ERBB4: variants seen among roughly 807,000 people sequenced by gnomAD.
ERBB4 encodes erb-b2 receptor tyrosine kinase 4.
ERBB4 carries 42 observed loss-of-function variants against 158.0 expected under a neutral mutation model. The observed-to-expected ratio is 0.27, with a 90% CI of 0.21 to 0.34. The LOEUF is 0.34. Ranked by LOEUF, ERBB4 falls within the 10% of genes least tolerant of loss-of-function variation. The pLI, the probability that ERBB4 is intolerant of heterozygous loss-of-function variation, is 1.00. For missense variants in ERBB4, 1,333 were observed against 1,624.1 expected, an observed-to-expected ratio of 0.82 and a Z score of 3.08; for synonymous variants, 583 against 558.7, an observed-to-expected ratio of 1.04 and a Z score of -0.61.
chr2:212,293,903 AGAT>A (rs1199457179), intron 1 of ERBB4, among the ~76,000 whole-genome samples: 1 of 150,562 alleles, frequency 6.6e-6, no homozygotes, highest in Non-Finnish European at 1.5e-5. Context: ...GATGTGTATA[AGAT>A]GATGATGATA....
rs141140162 is a variant in ERBB4 at position 212,480,604 on chromosome 2, T to C, written c.82+57845A>G. On this transcript the variant is annotated intron_variant, in intron 1 of 27. Transcript: ENST00000342788. The stretch of plus-strand genomic sequence containing the variant: ...ATGCAGCATGTAAGTATCATGTCTG[T>C]GAATTGAATTGTAGTGTGCTGTTGC... 3.9e-3 allele frequency among the ~76,000 whole-genome samples: 595 copies of C among 152,320 alleles called. 6 individuals carry two copies. The highest frequency in any genetic ancestry group is 0.014 in the African/African-American group (566 of 41,554).
intron 19 of ERBB4, among the ~76,000 whole-genome samples, chr2:211,591,696 G>C (rs1574821800): frequency 2.6e-5 from 4 of 152,352 alleles, no homozygotes; most frequent in East Asian, 3.9e-4. Context: ...AAAGCAAAGA[G>C]AGTCTCTTAA....
At chr2:211,412,640 A>G (rs1004765626) in intron 25 of ERBB4, among the ~76,000 whole-genome samples, 3 of 152,086 alleles carry the variant, frequency 2.0e-5, no homozygotes, top group African/African-American at 7.2e-5. Flanking sequence ...ATATTAATTC[A>G]TTTACTCTTT....
chr2:211,431,703 ATGG>A lies in ERBB4; in HGVS notation c.2488-606_2488-604del, dbSNP rs1322451528. ...ACCTGTAATTTTTAAGAAGACTTCT[ATGG>A]TATCAGTAGTCATTATGAGAATCCA... On this transcript the variant is annotated intron_variant, in intron 20 of 27. Coordinates refer to ENST00000342788, the MANE Select transcript of ERBB4 (RefSeq NM_005235.3). Among the ~76,000 whole-genome samples, 3 of 152,170 alleles carry A rather than the reference ATGG, an allele frequency of 2.0e-5. No individual in the cohort carries two copies. The East Asian group carries it at 5.8e-4, about 29-fold the overall frequency.
intron 3 of ERBB4, among the ~76,000 whole-genome samples, chr2:211,841,756 A>G (rs1046015437): frequency 3.3e-5 from 5 of 152,048 alleles, no homozygotes; most frequent in African/African-American, 1.2e-4. Context: ...AATGTCTACA[A>G]TACATTCACA....
chr2:211,986,207 T>A (rs2081933410), intron 2 of ERBB4, among the ~76,000 whole-genome samples: 1 of 152,100 alleles, frequency 6.6e-6, no homozygotes, highest in Non-Finnish European at 1.5e-5. Context: ...AAGGAACCAA[T>A]CCTGCATGAC....
At chr2:212,273,448 A>G (rs965956182) in intron 1 of ERBB4, among the ~76,000 whole-genome samples, 1 of 151,810 alleles carries the variant, frequency 6.6e-6, no homozygotes. Flanking sequence ...TGGCTTAAGA[A>G]AAGTCCAGAT....
At chr2:212,513,993 A>G (rs895444540) in intron 1 of ERBB4, among the ~76,000 whole-genome samples, 1 of 152,208 alleles carries the variant, frequency 6.6e-6, no homozygotes, top group African/African-American at 2.4e-5. Context: ...CCCATTCCTA[A>G]TAAGAAGTGG....
chr2:211,743,993 C>A (rs1047303435), intron 5 of ERBB4, among the ~76,000 whole-genome samples: 2 of 152,150 alleles, frequency 1.3e-5, no homozygotes, highest in African/African-American at 4.8e-5. Context: ...GAAAATCAGA[C>A]TCATGAGTAA....
intron 3 of ERBB4, among the ~76,000 whole-genome samples, chr2:211,805,285 C>T (rs1031909202): frequency 1.6e-5 from 2 of 126,018 alleles, no homozygotes; most frequent in Non-Finnish European, 3.7e-5. Context: ...GGTCTGTGAT[C>T]CTCAAATCCT....
chr2:211,975,837 G>T (rs2081591532), intron 2 of ERBB4, among the ~76,000 whole-genome samples: 1 of 152,060 alleles, frequency 6.6e-6, no homozygotes, highest in African/African-American at 2.4e-5. Flanking sequence ...CAGTGTTTGG[G>T]ATTTTAAAAT....
intron 20 of ERBB4, among the ~76,000 whole-genome samples, chr2:211,531,855 C>T (rs576603977): frequency 8.5e-5 from 13 of 152,048 alleles, no homozygotes; most frequent in Non-Finnish European, 1.9e-4. Context: ...GATACCTGCA[C>T]TCCTATGTTT....
intron 3 of ERBB4, among the ~76,000 whole-genome samples, chr2:211,862,159 G>A (rs2078072906): frequency 6.6e-6 from 1 of 152,068 alleles, no homozygotes; most frequent in African/African-American, 2.4e-5. Context: ...ATGACATGTA[G>A]AATAATCATT....
At chr2:211,514,122 TA>T (rs111499567) in intron 20 of ERBB4, among the ~76,000 whole-genome samples, 2,230 of 152,196 alleles carry the variant, frequency 0.015, 46 homozygotes, top group African/African-American at 0.05. Context: ...TCTCTCTTCA[TA>T]CCCCCTTACC....
intron 1 of ERBB4, among the ~76,000 whole-genome samples, chr2:212,255,644 G>A (rs375288591): frequency 7.9e-5 from 12 of 152,034 alleles, no homozygotes; most frequent in African/African-American, 2.7e-4. Context: ...ACACTTACTG[G>A]TAGAGCATCC....
chr2:212,534,111 C>A (rs1253056756), intron 1 of ERBB4, among the ~76,000 whole-genome samples: 1 of 152,142 alleles, frequency 6.6e-6, no homozygotes, highest in African/African-American at 2.4e-5. Flanking sequence ...TAATATAAAG[C>A]CAAAACTTAT....
chr2:212,383,570 T>G (rs762895211), intron 1 of ERBB4, among the ~76,000 whole-genome samples: 1 of 151,614 alleles, frequency 6.6e-6, no homozygotes, highest in Admixed American at 6.6e-5. Flanking sequence ...AACTTTAACA[T>G]GCAATGTTTA....
chr2:211,599,827 T>G (rs2068747564), intron 19 of ERBB4, among the ~76,000 whole-genome samples: 1 of 152,186 alleles, frequency 6.6e-6, no homozygotes, highest in Non-Finnish European at 1.5e-5. Flanking sequence ...AAATTTCAAC[T>G]TATGAGAAAA....
intron 4 of ERBB4, among the ~76,000 whole-genome samples, chr2:211,772,848 T>TATATATATATATACAC (rs2075736963): frequency 3.1e-5 from 2 of 64,308 alleles, no homozygotes; most frequent in African/African-American, 1.3e-4. Context: ...CATATATATA[T>TATATATATATATACAC]ATATATATAT....
Sources: allele counts gnomAD v4.1 joint callset (sites outside exome capture counted in the v4.1 genomes callset), GRCh38; gene constraint gnomAD v4.1.1; transcripts MANE v1.5; gene names NCBI Gene and HGNC (gene_info 2026-07-23, HGNC 2026-07-21).